TMEM217B: variants seen among roughly 807,000 people sequenced by gnomAD.
The protein encoded by TMEM217B is transmembrane protein 217B, also known as putative transmembrane protein 217B.
At chr6:37,257,971 G>A in the TMEM217B span, 1 of 1,614,130 alleles carries the variant, frequency 6.2e-7, no homozygotes, top group Non-Finnish European at 8.5e-7. Flanking sequence ...AGCTGCCGGG[G>A]AGGTGAGCCC....
chr6:37,242,289 C>T, the TMEM217B span, among the ~76,000 whole-genome samples: 22 of 152,210 alleles, frequency 1.4e-4, no homozygotes, highest in Non-Finnish European at 2.5e-4. Flanking sequence ...CAGGCCCCCA[C>T]GGTGGGCAGA....
the TMEM217B span, among the ~76,000 whole-genome samples, chr6:37,252,363 T>C: frequency 2.0e-5 from 3 of 151,988 alleles, no homozygotes; most frequent in Non-Finnish European, 2.9e-5. Flanking sequence ...CAGAGATGAA[T>C]AGCTGCAAGA....
the TMEM217B span, chr6:37,218,026 G>A: frequency 1.0e-6 from 1 of 993,714 alleles, no homozygotes; most frequent in Non-Finnish European, 1.2e-6. Flanking sequence ...AAGAGTGGCA[G>A]TAGGGTCTCT....
the TMEM217B span, among the ~76,000 whole-genome samples, chr6:37,244,582 T>C: frequency 8.5e-5 from 13 of 152,240 alleles, no homozygotes; most frequent in Non-Finnish European, 1.9e-4. Flanking sequence ...AAGCAACAAG[T>C]GCCAACTCTT....
At chr6:37,218,880 C>T in the TMEM217B span, 1 of 1,614,102 alleles carries the variant, frequency 6.2e-7, no homozygotes, top group South Asian at 1.1e-5. Flanking sequence ...TTACTTGCAC[C>T]CCTGTACTTT....
the TMEM217B span, among the ~76,000 whole-genome samples, chr6:37,252,631 A>AT: frequency 4.3e-4 from 33 of 77,320 alleles, no homozygotes; most frequent in African/African-American, 1.8e-3. Context: ...ATATATATAT[A>AT]TATATATTTT....
chr6:37,215,189 A>C, the TMEM217B span: 1 of 1,613,118 alleles, frequency 6.2e-7, no homozygotes, highest in Non-Finnish European at 8.5e-7. Context: ...CTATTCATTC[A>C]ATACTCACTC....
chr6:37,243,344 G>T, the TMEM217B span, among the ~76,000 whole-genome samples: 1 of 152,150 alleles, frequency 6.6e-6, no homozygotes, highest in South Asian at 2.1e-4. Flanking sequence ...CAAGTCCTGA[G>T]AATGGATTGA....
the TMEM217B span, chr6:37,215,423 A>C: frequency 9.0e-7 from 1 of 1,106,002 alleles, no homozygotes; most frequent in African/African-American, 1.6e-5. Context: ...AAAGATACAA[A>C]AATTAGCTGG....
At chr6:37,243,137 G>A in the TMEM217B span, among the ~76,000 whole-genome samples, 1 of 152,124 alleles carries the variant, frequency 6.6e-6, no homozygotes, top group Non-Finnish European at 1.5e-5. Flanking sequence ...AAAGAATATG[G>A]AAGGAAATAA....
chr6:37,247,272 C>T, the TMEM217B span, among the ~76,000 whole-genome samples: 1 of 152,112 alleles, frequency 6.6e-6, no homozygotes, highest in African/African-American at 2.4e-5. Flanking sequence ...GAAGCTGACC[C>T]TGAGACAAGG....
At chr6:37,237,324 A>G in the TMEM217B span, among the ~76,000 whole-genome samples, 1 of 152,314 alleles carries the variant, frequency 6.6e-6, no homozygotes, top group South Asian at 2.1e-4. Context: ...TGCCTCCCTC[A>G]GTCCTGCAAC....
the TMEM217B span, chr6:37,212,506 C>A: frequency 1.1e-5 from 5 of 456,926 alleles, no homozygotes; most frequent in African/African-American, 2.0e-5. Context: ...GCGTTTCCTG[C>A]CCACAGTCTG....
chr6:37,250,661 T>C, the TMEM217B span, among the ~76,000 whole-genome samples: 1 of 152,374 alleles, frequency 6.6e-6, no homozygotes, highest in Middle Eastern at 3.4e-3. Context: ...GAAGTACATT[T>C]TACATCACAA....
At chr6:37,253,181 C>T in the TMEM217B span, among the ~76,000 whole-genome samples, 568 of 152,270 alleles carry the variant, frequency 3.7e-3, 4 homozygotes, top group African/African-American at 0.013. Flanking sequence ...AATTTGCCCT[C>T]TTTAATGGTA....
the TMEM217B span, among the ~76,000 whole-genome samples, chr6:37,228,879 C>T: frequency 2.6e-5 from 4 of 151,646 alleles, no homozygotes; most frequent in African/African-American, 9.7e-5. Flanking sequence ...TGCCTGTAGT[C>T]CCAGCTACTC....
chr6:37,246,641 G>A, the TMEM217B span, among the ~76,000 whole-genome samples: 59 of 152,232 alleles, frequency 3.9e-4, no homozygotes, highest in African/African-American at 1.2e-3. Flanking sequence ...GGTGGTTCAC[G>A]TCTGTAACCC....
the TMEM217B span, chr6:37,218,902 A>AGT: frequency 6.2e-7 from 1 of 1,613,970 alleles, no homozygotes; most frequent in African/African-American, 1.3e-5. Flanking sequence ...GTGTGATCTC[A>AGT]GTGCAACTGC....
At chr6:37,238,116 G>C in the TMEM217B span, among the ~76,000 whole-genome samples, 1 of 151,622 alleles carries the variant, frequency 6.6e-6, no homozygotes, top group South Asian at 2.1e-4. Flanking sequence ...TCATGAACCA[G>C]GGATTATGAT....
Sources: allele counts gnomAD v4.1 joint callset (sites outside exome capture counted in the v4.1 genomes callset), GRCh38; gene constraint gnomAD v4.1.1; transcripts MANE v1.5; gene names NCBI Gene and HGNC (gene_info 2026-07-23, HGNC 2026-07-21).